ALK: variants seen among roughly 807,000 people sequenced by gnomAD.
ALK encodes ALK receptor tyrosine kinase.
In ALK, 74 loss-of-function variants were observed where a neutral mutation model predicts 163.1. The observed-to-expected ratio is 0.45, with a 90% CI of 0.38 to 0.55. The LOEUF is 0.55. ALK is among the 20% of genes least tolerant of loss of function. The pLI is 0.00. For synonymous variants in ALK, 960 were observed against 843.2 expected (o/e 1.14, Z -2.40); for missense variants, 2,063 against 2,105.3 (o/e 0.98, Z 0.39).
intron 24 of ALK, among the ~76,000 whole-genome samples, chr2:29,212,253 T>C (rs541774199): frequency 9.1e-4 from 139 of 152,160 alleles, no homozygotes; most frequent in Non-Finnish European, 1.8e-3. Context: ...CAAGGACGAC[T>C]TCAAAAGGAG....
intron 4 of ALK, among the ~76,000 whole-genome samples, chr2:29,413,857 G>A (rs1161410705): frequency 3.3e-5 from 5 of 151,978 alleles, no homozygotes; most frequent in South Asian, 2.1e-4. Flanking sequence ...TAGTCGAGAC[G>A]GGGTTTCGCC....
intron 3 of ALK, among the ~76,000 whole-genome samples, chr2:29,585,472 G>A (rs1330260946): frequency 6.6e-6 from 1 of 152,002 alleles, no homozygotes; most frequent in African/African-American, 2.4e-5. Context: ...GAAAACAGGT[G>A]CGTGCCACCA....
At chr2:29,216,228 G>A (rs1048708683) in intron 23 of ALK, among the ~76,000 whole-genome samples, 2 of 152,164 alleles carry the variant, frequency 1.3e-5, no homozygotes, top group African/African-American at 4.8e-5. Context: ...GGCCATGGTC[G>A]TGGGCCTTGC....
At chr2:29,629,541 T>A (rs1166468577) in intron 3 of ALK, among the ~76,000 whole-genome samples, 2 of 152,196 alleles carry the variant, frequency 1.3e-5, no homozygotes, top group African/African-American at 2.4e-5. Flanking sequence ...TCTTGAATAA[T>A]CTTAAATTGC....
At chr2:29,293,752 C>CT (rs1349140772) in intron 9 of ALK, among the ~76,000 whole-genome samples, 1 of 151,880 alleles carries the variant, frequency 6.6e-6, no homozygotes, top group Non-Finnish European at 1.5e-5. Flanking sequence ...CACACATGGG[C>CT]TTAAAAAAGG....
At chr2:29,734,473 G>A (rs1395637674) in intron 1 of ALK, among the ~76,000 whole-genome samples, 1 of 152,152 alleles carries the variant, frequency 6.6e-6, no homozygotes, top group African/African-American at 2.4e-5. Context: ...AATATACATC[G>A]ACCAGAGGGA....
rs1440861114 is a variant in ALK at position 29,383,717 on chromosome 2, G to C, written c.1282+15C>G. ...ATAGGCTACCAAGGAGCGTGGGAAA[G>C]CCAGATTCAGATACCTTCACTGCAG... is the stretch of plus-strand genomic sequence containing the variant. On this transcript the variant is annotated intron_variant, in intron 5 of 28. Transcript: ENST00000389048. 6.2e-7 allele frequency: 1 copy of C among 1,614,042 alleles called. No homozygotes were observed. The highest frequency in any genetic ancestry group is 8.5e-7 in the Non-Finnish European group (1 of 1,179,956).
At chr2:29,271,542 T>C (rs1463908708) in intron 11 of ALK, among the ~76,000 whole-genome samples, 14 of 152,188 alleles carry the variant, frequency 9.2e-5, no homozygotes, top group Admixed American at 8.5e-4. Flanking sequence ...GGGAAGGGAC[T>C]TGGACACTGT....
intron 9 of ALK, among the ~76,000 whole-genome samples, chr2:29,282,465 G>A (rs1665741318): frequency 6.6e-6 from 1 of 152,208 alleles, no homozygotes; most frequent in South Asian, 2.1e-4. Context: ...GGCTAGGAAT[G>A]TGTGTCTTGG....
chr2:29,882,042 TC>T (rs1383186219), intron 1 of ALK, among the ~76,000 whole-genome samples: 1 of 151,686 alleles, frequency 6.6e-6, no homozygotes, highest in Admixed American at 6.6e-5. Flanking sequence ...CACATCACAG[TC>T]CCCCCACCCA....
intron 5 of ALK, among the ~76,000 whole-genome samples, chr2:29,370,297 C>G (rs1218489005): frequency 6.6e-6 from 1 of 152,186 alleles, no homozygotes; most frequent in Non-Finnish European, 1.5e-5. Flanking sequence ...CTGTCTAGTC[C>G]TCCCCGAGAC....
Position 29,666,458 on chromosome 2 carries a change from G to A in ALK, c.952+28392C>T, listed in dbSNP as rs574939684. Among the ~76,000 whole-genome samples the A allele has an allele frequency of 1.7e-4, 26 of 152,104 alleles. No individual in the cohort carries two copies. In the South Asian group the frequency reaches 3.3e-3, roughly 19 times the overall value. ...GATCAATGCCCTTGTATCTCCTCAA[G>A]GCTCTCATCTCCTTTCTAAACCATT... On this transcript the variant is annotated intron_variant, in intron 3 of 28. Transcript: ENST00000389048.
chr2:29,844,893 GCA>G (rs148092500), intron 1 of ALK, among the ~76,000 whole-genome samples: 2 of 136,970 alleles, frequency 1.5e-5, no homozygotes, highest in Admixed American at 7.4e-5. Context: ...ACACACAGAG[GCA>G]CACACACACA....
chr2:29,363,986 C>G (rs1668444609), intron 5 of ALK, among the ~76,000 whole-genome samples: 1 of 152,190 alleles, frequency 6.6e-6, no homozygotes, highest in Admixed American at 6.5e-5. Context: ...CTTCAATGCT[C>G]TCACCAAACT....
chr2:29,858,702 CA>C (rs1666207580), intron 1 of ALK, among the ~76,000 whole-genome samples: 2 of 151,880 alleles, frequency 1.3e-5, no homozygotes, highest in South Asian at 4.2e-4. Flanking sequence ...AAGATTGCCT[CA>C]CTGCACTCCA....
chr2:29,223,633 CT>C, intron 19 of ALK, 105 bp from the exon 20 acceptor site: 1 of 1,056,786 alleles, frequency 9.5e-7, no homozygotes, highest in African/African-American at 1.6e-5. Context: ...ATATCCTCCC[CT>C]GAGCTCTGAA....
chr2:29,383,988 G>A, intron 4 of ALK, 129 bp from the exon 5 acceptor site: 1 of 1,148,452 alleles, frequency 8.7e-7, no homozygotes, highest in Non-Finnish European at 1.3e-6. Flanking sequence ...ACCAAGAGAT[G>A]GGACTCGAAG....
chr2:29,266,663 A>G (rs978779350), intron 11 of ALK, among the ~76,000 whole-genome samples: 6 of 152,304 alleles, frequency 3.9e-5, no homozygotes, highest in African/African-American at 1.4e-4. Flanking sequence ...CGGGGCCCAG[A>G]ATCTTTGACT....
At chr2:29,504,832 G>A (rs929210946) in intron 4 of ALK, among the ~76,000 whole-genome samples, 1 of 152,120 alleles carries the variant, frequency 6.6e-6, no homozygotes, top group Non-Finnish European at 1.5e-5. Context: ...ATGTTATTGC[G>A]GTTTTTGCCA....
Sources: gnomAD v4.1 joint callset for allele counts (sites outside exome capture counted in the v4.1 genomes callset) on GRCh38, gnomAD v4.1.1 for gene constraint, MANE v1.5 for transcripts, NCBI Gene and HGNC (gene_info 2026-07-23, HGNC 2026-07-21) for gene names.